Variants in PTPN13 observed in about 807,000 individuals in gnomAD.
PTPN13 encodes the protein protein tyrosine phosphatase non-receptor type 13, also known as tyrosine-protein phosphatase non-receptor type 13.
In PTPN13, 191 loss-of-function variants were observed where a neutral mutation model predicts 284.0. The ratio of observed to expected loss-of-function variants is 0.67; its 90% CI spans 0.60 to 0.76. The LOEUF (loss-of-function observed/expected upper bound fraction) is 0.76. PTPN13 is among the 30% of genes least tolerant of loss of function. The pLI is 0.00. For synonymous variants in PTPN13, 986 were observed against 1,022.3 expected (o/e 0.96, Z 0.68); for missense variants, 2,797 against 2,939.9 (o/e 0.95, Z 1.12).
At chr4:86,603,550 A>C (rs1163388560) in intron 1 of PTPN13, among the ~76,000 whole-genome samples, 1 of 152,180 alleles carries the variant, frequency 6.6e-6, no homozygotes, top group African/African-American at 2.4e-5. Flanking sequence ...CAGAACTTTA[A>C]ATATGCTCTA....
intron 10 of PTPN13, among the ~76,000 whole-genome samples, chr4:86,726,225 T>C (rs1734235576): frequency 6.7e-6 from 1 of 149,642 alleles, no homozygotes; most frequent in African/African-American, 2.4e-5. Context: ...ACTGTAGACT[T>C]GTAGTATAGT....
chr4:86,608,059 G>A (rs1764949453), intron 1 of PTPN13, among the ~76,000 whole-genome samples: 1 of 151,980 alleles, frequency 6.6e-6, no homozygotes, highest in Non-Finnish European at 1.5e-5. Flanking sequence ...TTGATAAGGA[G>A]CTTTTTGTAA....
rs373212947 is a variant in PTPN13, at chr4:86,758,948, G to A, written c.3428G>A (p.Arg1143His). 58 of 1,612,842 alleles carry A rather than the reference G, an allele frequency of 3.6e-5. No homozygotes were observed. In the Middle Eastern group the frequency reaches 5.0e-4, roughly 14 times the overall value. ...DLDGCLKPGD[R>H]LISVNSVSLE... Reference sequence around the variant, plus strand: ...GGATTGTCTATTTGTACAGGAGACCGTTTGATATCTGTGAATAGTGTGAGT... The same window carrying A: ...GGATTGTCTATTTGTACAGGAGACCATTTGATATCTGTGAATAGTGTGAGT... Residue 1143 changes from arginine (R) to histidine (H), a missense_variant, in exon 23 of 48, where the codon CGT (arginine) becomes CAT (histidine). Coordinates refer to ENST00000411767, the MANE Select transcript of PTPN13 (RefSeq NM_080683.3).
At chr4:86,665,121 C>T (rs1485788075) in intron 2 of PTPN13, among the ~76,000 whole-genome samples, 2 of 152,130 alleles carry the variant, frequency 1.3e-5, no homozygotes, top group Non-Finnish European at 2.9e-5. Flanking sequence ...TCTGGAAGTA[C>T]ATAACAAAAC....
intron 2 of PTPN13, among the ~76,000 whole-genome samples, chr4:86,669,875 CAATCTGGAATTAGCCATGACAGTTAG>C (rs1375004324): frequency 9.2e-5 from 14 of 152,132 alleles, no homozygotes. Context: ...AAAAGAAAGA[CAATCTGGAATTAGCCATGACAGTTAG>C]AATCCCAGCT....
intron 6 of PTPN13, among the ~76,000 whole-genome samples, chr4:86,700,634 A>G (rs961841424): frequency 6.6e-6 from 1 of 152,192 alleles, no homozygotes; most frequent in Non-Finnish European, 1.5e-5. Flanking sequence ...AGTTTCTTTC[A>G]TAACTTAAAC....
chr4:86,783,379 A>G (rs913819061), intron 37 of PTPN13, among the ~76,000 whole-genome samples: 1 of 152,152 alleles, frequency 6.6e-6, no homozygotes, highest in Non-Finnish European at 1.5e-5. Flanking sequence ...ATGTATTTCT[A>G]GTAATATTCA....
rs774749190 is a variant in PTPN13 at position 86,769,887 on chromosome 4, C to T, written c.4608C>T (p.Leu1536=). 1 of 1,613,926 alleles carries T rather than the reference C, an allele frequency of 6.2e-7. No individual in the cohort carries two copies. Among genetic ancestry groups the T allele is most frequent in the South Asian group, 1.1e-5 (1 of 91,074 alleles). Residue 1536 remains leucine, a synonymous_variant, in exon 29 of 48, where the codon CTC becomes CTT. Coordinates refer to ENST00000411767, the MANE Select transcript of PTPN13 (RefSeq NM_080683.3). ...INASIVRVKK[L]FPGQPAAESG... ...CCAGCATAGTAAGGGTTAAAAAGCT[C>T]TTTCCTGGACAGCCAGCAGCAGAAA...
At chr4:86,665,659 A>G (rs1432476192) in intron 2 of PTPN13, among the ~76,000 whole-genome samples, 1 of 152,230 alleles carries the variant, frequency 6.6e-6, no homozygotes, top group South Asian at 2.1e-4. Context: ...GAACAAATTG[A>G]TATTTTAGGA....
chr4:86,752,907 C>A, intron 19 of PTPN13, 102 bp from the exon 20 acceptor site: 1 of 749,838 alleles, frequency 1.3e-6, no homozygotes, highest in Non-Finnish European at 2.1e-6. Context: ...ATGTTGCTGC[C>A]TTATTGTTCT....
chr4:86,766,414 G>T lies in PTPN13; in HGVS notation c.4244-18G>T. The T allele has an allele frequency of 6.3e-7, 1 of 1,578,392 alleles. No individual in the cohort carries two copies. The highest frequency in any genetic ancestry group is 1.2e-5 in the South Asian group (1 of 86,072). The stretch of plus-strand genomic sequence containing the variant: ...CATGTAGGATTTTTATTTATGATTT[G>T]AACTGCCTAATTTTTAGGTGATCGC... On this transcript the variant is annotated intron_variant, in intron 26 of 47. Coordinates refer to ENST00000411767, the MANE Select transcript of PTPN13 (RefSeq NM_080683.3).
In PTPN13 at chr4:86,610,690, A is replaced by T. The variant is rs114046884; in HGVS notation, c.-6+15901A>T. ...TTCTAATTTGTAAACGTTGGAATGC[A>T]AATTTACACTTTTGCAAATGTGGTG... On this transcript the variant is annotated intron_variant, in intron 1 of 47. Coordinates refer to ENST00000411767, the MANE Select transcript of PTPN13 (RefSeq NM_080683.3). Among the ~76,000 whole-genome samples the T allele has an allele frequency of 5.7e-3, 866 of 152,356 alleles. 6 individuals carry two copies. The highest frequency in any genetic ancestry group is 0.019 in the African/African-American group (773 of 41,588).
intron 2 of PTPN13, among the ~76,000 whole-genome samples, chr4:86,656,089 C>T (rs775329120): frequency 6.6e-6 from 1 of 152,168 alleles, no homozygotes; most frequent in Non-Finnish European, 1.5e-5. Flanking sequence ...GTTTTCAGCT[C>T]CTTCAGGTCA....
intron 6 of PTPN13, among the ~76,000 whole-genome samples, chr4:86,699,952 G>A (rs1400182142): frequency 6.6e-6 from 1 of 152,114 alleles, no homozygotes; most frequent in Non-Finnish European, 1.5e-5. Flanking sequence ...TCTGTGTCTG[G>A]ATGTGGTATG....
At chr4:86,777,125 TA>T (rs1257400481) in intron 35 of PTPN13, among the ~76,000 whole-genome samples, 15 of 152,270 alleles carry the variant, frequency 9.9e-5, no homozygotes, top group Non-Finnish European at 1.8e-4. Context: ...ATTGCTATTA[TA>T]AAAAATTACT....
intron 2 of PTPN13, among the ~76,000 whole-genome samples, chr4:86,638,526 A>G (rs1427166463): frequency 6.6e-6 from 1 of 152,204 alleles, no homozygotes; most frequent in African/African-American, 2.4e-5. Flanking sequence ...ATAATGCCAC[A>G]TATCTACAAC....
intron 3 of PTPN13, among the ~76,000 whole-genome samples, chr4:86,678,912 A>G (rs1305010323): frequency 4.6e-5 from 7 of 152,324 alleles, no homozygotes; most frequent in African/African-American, 1.4e-4. Context: ...AGTCTTGCCC[A>G]TGGCTAGTTC....
chr4:86,634,582 G>T (rs1484813212), intron 1 of PTPN13, among the ~76,000 whole-genome samples: 13 of 152,042 alleles, frequency 8.6e-5, no homozygotes, highest in Admixed American at 7.9e-4. Context: ...CACTTCCCTT[G>T]TCATAGCCAC....
intron 47 of PTPN13, among the ~76,000 whole-genome samples, chr4:86,811,702 A>G (rs1246605853): frequency 6.6e-6 from 1 of 152,240 alleles, no homozygotes; most frequent in Non-Finnish European, 1.5e-5. Flanking sequence ...TCTTCACTGA[A>G]GAGTTCCACA....
Sources: gnomAD v4.1 joint callset for allele counts (sites outside exome capture counted in the v4.1 genomes callset) on GRCh38, gnomAD v4.1.1 for gene constraint, MANE v1.5 for transcripts, NCBI Gene and HGNC (gene_info 2026-07-23, HGNC 2026-07-21) for gene names.